TTBK2: variants seen among roughly 807,000 people sequenced by gnomAD.
TTBK2 encodes the protein tau-tubulin kinase 2.
A neutral mutation model predicts 110.8 loss-of-function variants in TTBK2; 28 were observed. The ratio of observed to expected loss-of-function variants is 0.25; its 90% confidence interval spans 0.19 to 0.35. The LOEUF is 0.35. Among genes scored for constraint, TTBK2 ranks in the 10% least tolerant of loss-of-function variants. The pLI, the probability that TTBK2 is intolerant of heterozygous loss-of-function variation, is 1.00. For missense variants in TTBK2, 1,369 were observed against 1,500.3 expected (o/e 0.91, Z 1.45); for synonymous variants, 532 against 527.3 (o/e 1.01, Z -0.12).
chr15:42,919,802 A>C, intron 1 of TTBK2: 2 of 985,442 alleles, frequency 2.0e-6, no homozygotes, highest in Non-Finnish European at 1.2e-6. Context: ...TTCGCTGTAG[A>C]ATAAAGTATC....
chr15:42,902,719 G>A lies in TTBK2; in HGVS notation c.-68+17719C>T, dbSNP rs572544151. On this transcript the variant is annotated intron_variant, in intron 1 of 14. Transcript: ENST00000267890. ...CTCAAATAATCAAACAGGGCCAGGC[G>A]CAGTGGCTCAAGCCTGTAATCCCAG... 1.6e-4 allele frequency among the ~76,000 whole-genome samples: 24 copies of A among 152,200 alleles called. No homozygotes were observed. In the South Asian group the frequency reaches 2.3e-3, roughly 14 times the overall value.
At chr15:42,785,205 C>T (rs1254451512) in intron 10 of TTBK2, among the ~76,000 whole-genome samples, 2 of 151,160 alleles carry the variant, frequency 1.3e-5, no homozygotes, top group South Asian at 2.1e-4. Context: ...CTGCAACCTC[C>T]GCCCCCGGGG....
intron 4 of TTBK2, among the ~76,000 whole-genome samples, chr15:42,837,223 C>T (rs576410605): frequency 4.6e-5 from 7 of 151,242 alleles, no homozygotes; most frequent in East Asian, 3.9e-4. Context: ...ACAGGTGTGG[C>T]GGCGCGCACC....
At chr15:42,786,891 C>A (rs1890434761) in intron 10 of TTBK2, among the ~76,000 whole-genome samples, 1 of 152,064 alleles carries the variant, frequency 6.6e-6, no homozygotes, top group Non-Finnish European at 1.5e-5. Context: ...AAAATTATAT[C>A]ATGTTCAGGA....
chr15:42,846,868 G>C (rs1893489510), intron 3 of TTBK2, among the ~76,000 whole-genome samples: 1 of 152,156 alleles, frequency 6.6e-6, no homozygotes, highest in African/African-American at 2.4e-5. Context: ...TGAACAATGA[G>C]ATGTGTGAGC....
chr15:42,757,272 A>G (rs1258656652), intron 13 of TTBK2, among the ~76,000 whole-genome samples: 2 of 120,712 alleles, frequency 1.7e-5, no homozygotes, highest in African/African-American at 9.0e-5. Flanking sequence ...ACACCAGCTA[A>G]TTAAAAAAAA....
intron 9 of TTBK2, among the ~76,000 whole-genome samples, chr15:42,804,907 C>T (rs1247450944): frequency 6.6e-6 from 1 of 152,220 alleles, no homozygotes; most frequent in African/African-American, 2.4e-5. Flanking sequence ...GAGAGAATAG[C>T]AGATGCATGA....
chr15:42,872,515 T>C (rs1040867489), intron 3 of TTBK2, 96 bp downstream of exon 3: 1 of 1,431,308 alleles, frequency 7.0e-7, no homozygotes, highest in Admixed American at 1.8e-5. Context: ...GTACATTCAA[T>C]TAGTACTTAA....
At chr15:42,788,817 T>C (rs1038783943) in intron 10 of TTBK2, among the ~76,000 whole-genome samples, 3 of 152,160 alleles carry the variant, frequency 2.0e-5, no homozygotes, top group Non-Finnish European at 4.4e-5. Flanking sequence ...ACTGAAAATG[T>C]TTTCCTTTTA....
In TTBK2 at chr15:42,782,540, G is replaced by A. The variant is rs139384832; in HGVS notation, c.1197+879C>T. ...AGCTACATATCTACCCAAAGAGACC[G>A]TAAGCTCCTTAAAGGTAAAAGATGT... On this transcript the variant is annotated intron_variant, in intron 11 of 14. Transcript: ENST00000267890. Among the ~76,000 whole-genome samples the A allele has an allele frequency of 8.5e-5, 13 of 152,282 alleles. No individual in the cohort carries two copies. The South Asian group carries it at 2.1e-3, about 24-fold the overall frequency.
chr15:42,827,414 TA>T (rs1324314211), intron 6 of TTBK2, among the ~76,000 whole-genome samples: 2 of 151,784 alleles, frequency 1.3e-5, no homozygotes, highest in Admixed American at 6.6e-5. Context: ...GACTTACACA[TA>T]GGGGGAAAAA....
chr15:42,855,571 T>C (rs1893898525), intron 3 of TTBK2, among the ~76,000 whole-genome samples: 1 of 152,212 alleles, frequency 6.6e-6, no homozygotes, highest in South Asian at 2.1e-4. Flanking sequence ...AAAAGGATAA[T>C]GATTTCAATG....
intron 1 of TTBK2, among the ~76,000 whole-genome samples, chr15:42,902,803 G>C (rs533684577): frequency 2.0e-4 from 31 of 152,114 alleles, no homozygotes; most frequent in Admixed American, 1.6e-3. Flanking sequence ...GACCAGCCTG[G>C]GCAACGTGGC....
chr15:42,896,097 C>T (rs1895655957), intron 1 of TTBK2, among the ~76,000 whole-genome samples: 1 of 151,352 alleles, frequency 6.6e-6, no homozygotes. Context: ...AGGCCGAGGC[C>T]TCAAGTGGAT....
intron 7 of TTBK2, among the ~76,000 whole-genome samples, chr15:42,814,360 C>G (rs1173440520): frequency 6.6e-6 from 1 of 152,140 alleles, no homozygotes; most frequent in African/African-American, 2.4e-5. Flanking sequence ...TAGAAGACTG[C>G]TTGAGGCCAG....
intron 7 of TTBK2, among the ~76,000 whole-genome samples, chr15:42,813,289 A>C (rs926036678): frequency 6.6e-6 from 1 of 152,186 alleles, no homozygotes; most frequent in Non-Finnish European, 1.5e-5. Context: ...TGGGAGGCCA[A>C]GACAGGTGAA....
chr15:42,833,825 T>C (rs1183033726), intron 4 of TTBK2, among the ~76,000 whole-genome samples: 5 of 151,976 alleles, frequency 3.3e-5, no homozygotes, highest in African/African-American at 1.2e-4. Context: ...CTGGCCAACA[T>C]GGTAAAACCC....
intron 1 of TTBK2, among the ~76,000 whole-genome samples, chr15:42,907,165 G>C (rs1347082151): frequency 1.3e-5 from 2 of 152,098 alleles, no homozygotes; most frequent in Admixed American, 1.3e-4. Context: ...TGGCTTATAT[G>C]AAAAAGGCAA....
At chr15:42,909,030 C>T (rs1319603884) in intron 1 of TTBK2, among the ~76,000 whole-genome samples, 1 of 152,200 alleles carries the variant, frequency 6.6e-6, no homozygotes, top group African/African-American at 2.4e-5. Flanking sequence ...GAAGTCTGTG[C>T]TTCTACTGGG....
Sources: allele counts gnomAD v4.1 joint callset (sites outside exome capture counted in the v4.1 genomes callset), GRCh38; gene constraint gnomAD v4.1.1; transcripts MANE v1.5; gene names NCBI Gene and HGNC (gene_info 2026-07-23, HGNC 2026-07-21).